TP73: variants seen among roughly 807,000 people sequenced by gnomAD.
TP73 encodes p53-like transcription factor.
In TP73, 25 loss-of-function variants were observed where a neutral mutation model predicts 62.5. That is an observed-to-expected ratio of 0.40 (90% CI 0.29 to 0.56). The LOEUF (loss-of-function observed/expected upper bound fraction) is 0.56, where lower values mean the gene tolerates loss of function less well. TP73 is among the 20% of genes least tolerant of loss of function. TP73 has a pLI of 0.46. For synonymous variants in TP73, 423 were observed against 377.5 expected, an observed-to-expected ratio of 1.12 and a Z score of -1.40; for missense variants, 754 against 913.3, an observed-to-expected ratio of 0.83 and a Z score of 2.25.
At chr1:3,693,642 G>A (rs372125190) in intron 3 of TP73, among the ~76,000 whole-genome samples, 26 of 152,178 alleles carry the variant, frequency 1.7e-4, no homozygotes, top group South Asian at 1.2e-3. Context: ...AGATGGGGAC[G>A]CAGGGGGGCC....
intron 8 of TP73, 25 bp from the exon 9 acceptor site, chr1:3,728,104 C>G: frequency 6.3e-7 from 1 of 1,597,524 alleles, no homozygotes; most frequent in Non-Finnish European, 8.5e-7. Context: ...CCTGCTCACC[C>G]CGCCTGCCCT....
intron 1 of TP73, among the ~76,000 whole-genome samples, chr1:3,676,482 A>G (rs920411417): frequency 4.0e-5 from 6 of 149,492 alleles, no homozygotes; most frequent in African/African-American, 9.9e-5. Flanking sequence ...ACAGGGAGGG[A>G]ATGCTTGGGA....
intron 3 of TP73, among the ~76,000 whole-genome samples, chr1:3,687,813 C>T (rs933614938): frequency 6.6e-6 from 1 of 152,166 alleles, no homozygotes; most frequent in Non-Finnish European, 1.5e-5. Flanking sequence ...GGCAGGTGGG[C>T]CACAGAGCGG....
At chr1:3,688,839 C>T (rs529521268) in intron 3 of TP73, among the ~76,000 whole-genome samples, 1 of 152,116 alleles carries the variant, frequency 6.6e-6, no homozygotes, top group Non-Finnish European at 1.5e-5. Context: ...GGGTGGGGCT[C>T]GTGCTGAAGG....
chr1:3,665,003 C>G (rs544077587), intron 1 of TP73, among the ~76,000 whole-genome samples: 1 of 152,328 alleles, frequency 6.6e-6, no homozygotes, highest in South Asian at 2.1e-4. Context: ...AGGAAAGACT[C>G]TGCGGTCTTT....
chr1:3,656,592 C>A (rs535283029), intron 1 of TP73, among the ~76,000 whole-genome samples: 1 of 152,352 alleles, frequency 6.6e-6, no homozygotes, highest in Admixed American at 6.5e-5. Context: ...GGCTATTCTA[C>A]TTGCACAGGG....
chr1:3,658,230 G>A (rs917451993), intron 1 of TP73, among the ~76,000 whole-genome samples: 1 of 152,236 alleles, frequency 6.6e-6, no homozygotes, highest in East Asian at 1.9e-4. Context: ...CGTGGGCCTT[G>A]GAGATTAAAT....
intron 1 of TP73, among the ~76,000 whole-genome samples, chr1:3,681,726 A>G (rs1227498089): frequency 6.6e-6 from 1 of 152,094 alleles, no homozygotes; most frequent in African/African-American, 2.4e-5. Context: ...TGCAGCCTCC[A>G]GCGCAGCCCT....
intron 1 of TP73, among the ~76,000 whole-genome samples, chr1:3,661,331 T>A (rs1644982468): frequency 6.6e-6 from 1 of 152,190 alleles, no homozygotes; most frequent in Non-Finnish European, 1.5e-5. Flanking sequence ...CCCAGATCAT[T>A]ATGAAATAAT....
chr1:3,730,869 G>A, intron 11 of TP73, 58 bp from the exon 12 acceptor site: 2 of 1,525,720 alleles, frequency 1.3e-6, no homozygotes, highest in Non-Finnish European at 1.8e-6. Context: ...CCTGGGTGGA[G>A]GCTGCACCTG....
chr1:3,691,770 C>T (rs751039087), intron 3 of TP73, among the ~76,000 whole-genome samples: 5 of 152,308 alleles, frequency 3.3e-5, no homozygotes, highest in East Asian at 1.9e-4. Context: ...CTGTGCCACA[C>T]GGGAAACTCA....
At chr1:3,728,585 G>A (rs1448709088) in intron 9 of TP73, among the ~76,000 whole-genome samples, 1 of 152,248 alleles carries the variant, frequency 6.6e-6, no homozygotes, top group African/African-American at 2.4e-5. Flanking sequence ...CCATGAGTGT[G>A]CCTCTCACAT....
chr1:3,677,838 C>G (rs539997678), intron 1 of TP73, among the ~76,000 whole-genome samples: 1 of 152,116 alleles, frequency 6.6e-6, no homozygotes, highest in Non-Finnish European at 1.5e-5. Flanking sequence ...GGACTGCAGG[C>G]ACATGCCATC....
At position 3,732,815 on chromosome 1, in the gene TP73, G is replaced by C; in HGVS notation, c.1647G>C (p.Lys549Asn). ...MTIWRGLQDL[K>N]QGHDYSTAQQ... is the part of the protein sequence containing the mutation. Reference sequence around the variant, plus strand: ...TCTGGCGGGGCCTGCAGGACCTGAAGCAGGGCCACGACTACAGCACCGCGC... The same window carrying C: ...TCTGGCGGGGCCTGCAGGACCTGAACCAGGGCCACGACTACAGCACCGCGC... The change falls in exon 14 of 14, where the codon AAG becomes AAC. Residue 549 changes from lysine to asparagine, a missense_variant. Lys to Asn is a moderately conservative substitution (Grantham distance 94). Around this residue, in one of 3 missense-constraint regions of TP73, gnomAD observed 458 missense variants for 528.7 expected, o/e 0.87. Transcript: ENST00000378295. 1.2e-6 allele frequency: 2 copies of C among 1,608,814 alleles called. No homozygotes were observed. Among genetic ancestry groups the C allele is most frequent in the Non-Finnish European group, 1.7e-6 (2 of 1,176,990 alleles).
At chr1:3,710,936 C>T (rs531777541) in intron 4 of TP73, among the ~76,000 whole-genome samples, 54 of 152,312 alleles carry the variant, frequency 3.5e-4, no homozygotes, top group African/African-American at 1.1e-3. Flanking sequence ...CGTGGGTAAC[C>T]GAGCAGCCAG....
chr1:3,679,112 G>A (rs547240449), intron 1 of TP73, among the ~76,000 whole-genome samples: 187 of 152,338 alleles, frequency 1.2e-3, no homozygotes, highest in South Asian at 9.1e-3. Flanking sequence ...TGCCGGTCAG[G>A]GGATGTGGAA....
At chr1:3,705,713 T>C (rs1226647385) in intron 3 of TP73, among the ~76,000 whole-genome samples, 2 of 152,192 alleles carry the variant, frequency 1.3e-5, no homozygotes, top group Admixed American at 6.5e-5. Flanking sequence ...CCCTCCGGCA[T>C]CCCGGGCTGA....
At chr1:3,706,887 G>A (rs1639703854) in intron 3 of TP73, among the ~76,000 whole-genome samples, 1 of 152,166 alleles carries the variant, frequency 6.6e-6, no homozygotes, top group Non-Finnish European at 1.5e-5. Flanking sequence ...CAGGGGTGAG[G>A]CTTTGCCGGC....
At chr1:3,715,296 G>A (rs1025693180) in intron 4 of TP73, among the ~76,000 whole-genome samples, 5 of 152,218 alleles carry the variant, frequency 3.3e-5, no homozygotes, top group Non-Finnish European at 4.4e-5. Context: ...CCGGGGTGAC[G>A]CCTCTGCAGT....
Sources: allele counts gnomAD v4.1 joint callset (sites outside exome capture counted in the v4.1 genomes callset), GRCh38; gene constraint gnomAD v4.1.1; regional missense constraint gnomAD v4.1.1; transcripts MANE v1.5; gene names NCBI Gene and HGNC (gene_info 2026-07-23, HGNC 2026-07-21).